Variants in INF2 observed in about 807,000 individuals in gnomAD.
The protein encoded by INF2 is inverted formin-2.
In INF2, 43 loss-of-function variants were observed where a neutral mutation model predicts 123.5. That is an observed-to-expected ratio of 0.35 (90% CI 0.27 to 0.45). INF2 has a LOEUF of 0.45. INF2 is among the 20% of genes least tolerant of loss of function. The pLI is 1.00. For synonymous variants in INF2, 851 were observed against 745.0 expected (o/e 1.14, Z -2.32); for missense variants, 1,453 against 1,682.7 (o/e 0.86, Z 2.39).
intron 20 of INF2, among the ~76,000 whole-genome samples, 160 bp downstream of exon 20, chr14:104,713,766 C>T (rs957022581): frequency 4.6e-5 from 7 of 152,202 alleles, no homozygotes; most frequent in African/African-American, 9.6e-5. Context: ...AGGTGGTGGC[C>T]GCTCAGCCCT....
chr14:104,692,613 G>A (rs1011776748), intron 1 of INF2, among the ~76,000 whole-genome samples: 4 of 152,182 alleles, frequency 2.6e-5, no homozygotes, highest in African/African-American at 9.7e-5. Flanking sequence ...GAATAGGCCC[G>A]CCCTCCAGGC....
At position 104,714,258 on chromosome 14, in the gene INF2, T is replaced by C; in HGVS notation, c.3096T>C (p.Ser1032=). The change falls in exon 21 of 23, where the codon TCT becomes TCC. Residue 1032 remains serine (S), a synonymous_variant. Coordinates refer to ENST00000392634, the MANE Select transcript of INF2 (RefSeq NM_022489.4). ...TGGGCAGCACGCGCTGTCCCGCCTC[T>C]GAGCCCGGCCTTGATGCTACAACAG... ...DPVGSTRCPA[S]EPGLDATTAS... 1 of 1,592,040 alleles carries C rather than the reference T, an allele frequency of 6.3e-7. No individual in the cohort carries two copies.
At chr14:104,710,757 T>G in intron 13 of INF2, 180 bp from the exon 14 acceptor site, 1 of 607,168 alleles carries the variant, frequency 1.6e-6, no homozygotes, top group Non-Finnish European at 2.9e-6. Context: ...AGGTGTCCAC[T>G]CCCGTCGGTG....
rs747276931 is a variant in INF2, at chr14:104,703,064, G to T, written c.392-41G>T. On this transcript the variant is annotated intron_variant, in intron 2 of 22. Coordinates refer to ENST00000392634, the MANE Select transcript of INF2 (RefSeq NM_022489.4). ...CCCAGCTGCACAGGCATGGGAAGGG[G>T]TGCATTGGCCCTGCTGAGCCTGCCC... is the stretch of plus-strand genomic sequence containing the variant. The T allele has an allele frequency of 1.5e-5, 22 of 1,499,334 alleles. No individual in the cohort carries two copies. In the Admixed American group the frequency reaches 1.7e-4, roughly 12 times the overall value. 92.9% of individuals were successfully genotyped at this position (1,499,334 alleles called of 1,614,324 possible).
chr14:104,684,897 T>C (rs775787548), upstream of INF2: 9 of 152,292 alleles, frequency 5.9e-5, no homozygotes, highest in African/African-American at 9.6e-5. The surrounding 1 kb of genome is among the most constrained non-coding windows in gnomAD (Gnocchi z 5.0). Context: ...TATGTGTTTC[T>C]GTTAATATAT....
chr14:104,698,304 C>T (rs1889292578), intron 1 of INF2, among the ~76,000 whole-genome samples: 1 of 152,242 alleles, frequency 6.6e-6, no homozygotes, highest in Non-Finnish European at 1.5e-5. Flanking sequence ...CTGTGGATTC[C>T]TTCTGGAATC....
Position 104,700,731 on chromosome 14 carries a change from G to A in INF2, c.-9-626G>A, listed in dbSNP as rs1889438883. 3.2e-5 allele frequency: 16 copies of A among 504,838 alleles called. No individual in the cohort carries two copies. The South Asian group carries it at 5.9e-4, about 19-fold the overall frequency. 31.3% of individuals were successfully genotyped at this position (504,838 alleles called of 1,614,324 possible). On this transcript the variant is annotated intron_variant, in intron 1 of 22. Transcript: ENST00000392634. ...CCTGGTAAAACCCTGAGTGCCAAGG[G>A]TTTCCGTCTTCCTGTTGGTGTGGGC... is the stretch of plus-strand genomic sequence containing the variant.
chr14:104,682,251 A>G (rs1000062252), intron 1 of INF2, among the ~76,000 whole-genome samples: 6 of 152,062 alleles, frequency 3.9e-5, no homozygotes, highest in Admixed American at 3.9e-4. Context: ...AGGGACAGGG[A>G]GGGCCTAGGG....
chr14:104,689,362 C>G (rs1022305346), upstream of INF2: 1 of 685,888 alleles, frequency 1.5e-6, no homozygotes, highest in Admixed American at 6.3e-5. Context: ...CGGCCCCGAT[C>G]TGCGCGTCCC....
At chr14:104,691,173 A>G (rs1188879971) in intron 1 of INF2, 1 of 152,276 alleles carries the variant, frequency 6.6e-6, no homozygotes, top group Admixed American at 6.5e-5. Context: ...ACGGCTGTCA[A>G]GCGAATGACA....
At chr14:104,715,479 T>G in intron 22 of INF2, 139 bp downstream of exon 22, 2 of 823,508 alleles carry the variant, frequency 2.4e-6, no homozygotes, top group South Asian at 2.8e-5. Context: ...GCCTTGCCGC[T>G]CCCGCAGCCC....
chr14:104,715,369 GC>G (rs756988280), intron 22 of INF2, 29 bp downstream of exon 22: 111 of 1,598,256 alleles, frequency 6.9e-5, no homozygotes, highest in Non-Finnish European at 9.0e-5. Context: ...CTCCGTGGGG[GC>G]TAACAGCAGC....
upstream of INF2, chr14:104,689,590 T>TCCCCCC: frequency 6.2e-6 from 4 of 646,936 alleles, no homozygotes; most frequent in Non-Finnish European, 7.5e-6. Context: ...CTCCTCTTCC[T>TCCCCCC]CCCGCCCGCC....
At chr14:104,710,366 A>T (rs1889988953) in intron 13 of INF2, among the ~76,000 whole-genome samples, 178 bp downstream of exon 13, 1 of 151,940 alleles carries the variant, frequency 6.6e-6, no homozygotes, top group Non-Finnish European at 1.5e-5. Flanking sequence ...CGGTGCACAC[A>T]CCTACTGGAC....
chr14:104,692,936 C>A (rs1889023720), intron 1 of INF2, among the ~76,000 whole-genome samples: 1 of 152,230 alleles, frequency 6.6e-6, no homozygotes, highest in Non-Finnish European at 1.5e-5. Context: ...CCTCTGTGCC[C>A]TCAGTTCACT....
chr14:104,681,453 G>C (rs1888522348), exon 1 of INF2: 1 of 664,710 alleles, frequency 1.5e-6, no homozygotes, highest in Non-Finnish European at 2.4e-6. Flanking sequence ...GCGTCTAGGA[G>C]GCCTGATGTA....
rs1890198705 is a variant in INF2, at chr14:104,714,456, G to C, written c.3294G>C (p.Glu1098Asp). 1.2e-6 allele frequency: 2 copies of C among 1,611,750 alleles called. No individual in the cohort carries two copies. Among genetic ancestry groups the C allele is most frequent in the South Asian group, 2.2e-5 (2 of 90,988 alleles). The part of the protein sequence containing the change: ...TEDPQCPQPL[E>D]GAWPVTLGDA... Reference sequence around the variant, plus strand: ...ATCCCCAGTGCCCCCAGCCCTTGGAGGGGGCCTGGCCGGTGACTCTGGGAG... The same window carrying C: ...ATCCCCAGTGCCCCCAGCCCTTGGACGGGGCCTGGCCGGTGACTCTGGGAG... The change falls in exon 21 of 23, where the codon GAG becomes GAC. Residue 1098 changes from glutamate (E) to aspartate (D), a missense_variant. By Grantham distance (45) the Glu-to-Asp change is conservative. This residue lies in a region of INF2 where 344 missense variants were observed against 333.1 expected (regional missense o/e 1.03). Coordinates refer to ENST00000392634, the MANE Select transcript of INF2 (RefSeq NM_022489.4).
Position 104,713,256 on chromosome 14 carries a change from A to G in INF2, c.2825A>G (p.Gln942Arg). 6.4e-7 allele frequency: 1 copy of G among 1,551,816 alleles called. No individual in the cohort carries two copies. Among genetic ancestry groups the G allele is most frequent in the Non-Finnish European group, 8.7e-7 (1 of 1,148,316 alleles). The change falls in exon 19 of 23, where the codon CAG becomes CGG. Residue 942 changes from glutamine (Q) to arginine (R), a missense_variant. By Grantham distance (43) the Gln-to-Arg change is conservative. Coordinates refer to ENST00000392634, the MANE Select transcript of INF2 (RefSeq NM_022489.4). ...GCGGCGAAGGCAGAGAGGAGGAAGC[A>G]GCAGCTGGCGGAGGAGGAGGCGCGG... ...EQAAKAERRK[Q>R]QLAEEEARRP...
rs2140696286 is a variant in INF2 at position 104,713,491 on chromosome 14, C to T, written c.2925C>T (p.Ala975=). ...AGGAGGAGGTGTGTGTCATCGATGC[C>T]CTGCTGGCTGACATCAGGAAGGGCT... ...GKQEEVCVID[A]LLADIRKGFQ... Residue 975 remains alanine (A), a synonymous_variant, in exon 20 of 23, where the codon GCC becomes GCT. Transcript: ENST00000392634. 6.2e-7 allele frequency: 1 copy of T among 1,611,710 alleles called. No homozygotes were observed. The highest frequency in any genetic ancestry group is 8.5e-7 in the Non-Finnish European group (1 of 1,179,504).
Sources: allele counts gnomAD v4.1 joint callset (sites outside exome capture counted in the v4.1 genomes callset), GRCh38; gene constraint gnomAD v4.1.1; regional missense constraint gnomAD v4.1.1; non-coding constraint Gnocchi (gnomAD v3.1); transcripts MANE v1.5; gene names NCBI Gene and HGNC (gene_info 2026-07-23, HGNC 2026-07-21).